MGST1: variants seen among roughly 807,000 people sequenced by gnomAD.
MGST1 encodes the protein microsomal glutathione S-transferase 1.
In MGST1, 5 loss-of-function variants were observed where a neutral mutation model predicts 8.9. The ratio of observed to expected loss-of-function variants is 0.56; its 90% confidence interval spans 0.29 to 1.19. The LOEUF (loss-of-function observed/expected upper bound fraction) is 1.19. Ranked by LOEUF, MGST1 falls within the 50% of genes most tolerant of loss-of-function variation. The pLI, the probability that MGST1 is intolerant of heterozygous loss-of-function variation, is 0.08. For synonymous variants in MGST1, 54 were observed against 67.8 expected, an observed-to-expected ratio of 0.80 and a Z score of 1.00; for missense variants, 182 against 187.4, an observed-to-expected ratio of 0.97 and a Z score of 0.17.
intron 4 of MGST1, among the ~76,000 whole-genome samples, chr12:16,502,025 G>A (rs1023364406): frequency 6.6e-6 from 1 of 152,072 alleles, no homozygotes; most frequent in African/African-American, 2.4e-5. Flanking sequence ...TAATATTACT[G>A]AGAAGCAATG....
chr12:16,447,322 C>T (rs10734896), intron 4 of MGST1, among the ~76,000 whole-genome samples: 96,154 of 151,770 alleles, frequency 0.63, 30,710 homozygotes, highest in East Asian at 0.81. Flanking sequence ...TCTTTCCTCA[C>T]CACTCAGGTC....
chr12:16,351,175 C>T (rs562102616), intron 1 of MGST1, among the ~76,000 whole-genome samples: 1 of 152,114 alleles, frequency 6.6e-6, no homozygotes, highest in Non-Finnish European at 1.5e-5. Context: ...ATAAACTTAC[C>T]TTAATTTTAA....
chr12:16,577,718 C>A (rs1219803008), intron 4 of MGST1, among the ~76,000 whole-genome samples: 1 of 152,034 alleles, frequency 6.6e-6, no homozygotes, highest in Non-Finnish European at 1.5e-5. Context: ...TTCCTTAAGG[C>A]AGTAATTTCC....
Position 16,401,299 on chromosome 12 carries a change from A to T in MGST1, n.778+17695A>T, listed in dbSNP as rs1278138998. ...GAATCCCAAACTGATGCTGAAAACC[A>T]TTCCTGTCTTCAGTTTGTATTGATT... On this transcript the variant is annotated intron_variant and non_coding_transcript_variant, in intron 1 of 1. Coordinates refer to the MGST1 transcript ENST00000359720. This position sits in a 1 kb window ranked among gnomAD's most constrained non-coding sequence, Gnocchi z 4.3. 1 of 1,493,270 alleles carries T rather than the reference A, an allele frequency of 6.7e-7. No homozygotes were observed. Among genetic ancestry groups the T allele is most frequent in the South Asian group, 1.1e-5 (1 of 88,542 alleles). 92.5% of individuals were successfully genotyped at this position (1,493,270 alleles called of 1,614,324 possible).
chr12:16,458,384 A>G lies in MGST1; in HGVS notation n.482+74780A>G, dbSNP rs2137121657. 6.6e-6 allele frequency among the ~76,000 whole-genome samples: 1 copy of G among 152,156 alleles called. No homozygotes were observed. Among genetic ancestry groups the G allele is most frequent in the Non-Finnish European group, 1.5e-5 (1 of 67,960 alleles). On this transcript the variant is annotated intron_variant and non_coding_transcript_variant, in intron 4 of 4. Coordinates refer to the MGST1 transcript ENST00000538857. The surrounding 1 kb of genome is among the most constrained non-coding windows in gnomAD (Gnocchi z 4.0). ...ATTGATCTCTCCTTCTGAAAGTTGT[A>G]ATTGAGCATAGATGTTGGACCCAGA...
At chr12:16,443,000 T>G (rs1467077984), downstream of MGST1, among the ~76,000 whole-genome samples, 1 of 151,834 alleles carries the variant, frequency 6.6e-6, no homozygotes, top group Non-Finnish European at 1.5e-5. This position sits in a 1 kb window ranked among gnomAD's most constrained non-coding sequence, Gnocchi z 4.5. Context: ...ATGCCTGTCT[T>G]TATTAGTTTT....
At position 16,534,483 on chromosome 12, in the gene MGST1, C is replaced by G. The variant is rs80142638; in HGVS notation, n.483-55045C>G. On this transcript the variant is annotated intron_variant and non_coding_transcript_variant, in intron 4 of 4. Transcript: ENST00000538857. ...TTCATTTATCTTTTTATTGTGTATT[C>G]TAGGGGGCTGCATATAGTAAGGGAT... is the stretch of plus-strand genomic sequence containing the variant. 8.4e-3 allele frequency among the ~76,000 whole-genome samples: 1,281 copies of G among 152,168 alleles called. 55 individuals are homozygous for G. In the East Asian group the frequency reaches 0.14, roughly 16 times the overall value.
At chr12:16,439,113 TA>T (rs5796672), downstream of MGST1, among the ~76,000 whole-genome samples, 48,369 of 144,164 alleles carry the variant, frequency 0.34, 8,112 homozygotes, top group Non-Finnish European at 0.38. Flanking sequence ...GTAAGACATG[TA>T]AAAAAAAAAA....
At chr12:16,511,020 A>G (rs950862454) in intron 4 of MGST1, among the ~76,000 whole-genome samples, 9 of 152,086 alleles carry the variant, frequency 5.9e-5, no homozygotes, top group African/African-American at 2.2e-4. Context: ...AATTTGTTCT[A>G]CAAAAGATAG....
At chr12:16,467,512 C>T (rs1052537250) in intron 4 of MGST1, among the ~76,000 whole-genome samples, 99 of 152,198 alleles carry the variant, frequency 6.5e-4, no homozygotes, top group African/African-American at 2.3e-3. Context: ...CAGTGCTTTC[C>T]CCCAGTCAGC....
chr12:16,489,996 C>T (rs1941428421), intron 4 of MGST1, among the ~76,000 whole-genome samples: 1 of 152,052 alleles, frequency 6.6e-6, no homozygotes, highest in African/African-American at 2.4e-5. Flanking sequence ...GGTGTGGTGG[C>T]TCATGTCTAT....
rs1419915807 is a variant in MGST1 at position 16,587,257 on chromosome 12, A to G, written n.483-2271A>G. On this transcript the variant is annotated intron_variant and non_coding_transcript_variant, in intron 4 of 4. Coordinates refer to the MGST1 transcript ENST00000538857. The surrounding 1 kb of genome is among the most constrained non-coding windows in gnomAD (Gnocchi z 4.3). The stretch of plus-strand genomic sequence containing the variant: ...AACAGCTCTGACTATCCATTTTAAG[A>G]AAATCACTGGGTGTGCCTAGGATCC... 6.6e-6 allele frequency among the ~76,000 whole-genome samples: 1 copy of G among 152,222 alleles called. No individual in the cohort carries two copies. The highest frequency in any genetic ancestry group is 1.5e-5 in the Non-Finnish European group (1 of 68,032).
intron 1 of MGST1, among the ~76,000 whole-genome samples, chr12:16,431,884 G>A (rs1415282132): frequency 6.6e-6 from 1 of 151,980 alleles, no homozygotes; most frequent in Non-Finnish European, 1.5e-5. Context: ...AAAGTGAAGT[G>A]CAATAAAACA....
At chr12:16,414,950 G>A (rs1030663330) in intron 1 of MGST1, among the ~76,000 whole-genome samples, 1 of 152,070 alleles carries the variant, frequency 6.6e-6, no homozygotes, top group Non-Finnish European at 1.5e-5. Flanking sequence ...CTTGAACCTA[G>A]GAGGCGGAGG....
At position 16,547,397 on chromosome 12, in the gene MGST1, G is replaced by A. The variant is rs1038121108; in HGVS notation, n.483-42131G>A. On this transcript the variant is annotated intron_variant and non_coding_transcript_variant, in intron 4 of 4. Transcript: ENST00000538857. The surrounding 1 kb of genome is among the most constrained non-coding windows in gnomAD (Gnocchi z 4.6). ...TTGAGTTAATGAGTAATTTGTGTGCGATAATTCTCTGAACACATTGATTAC... is the reference window on the plus strand; with the variant it reads ...TTGAGTTAATGAGTAATTTGTGTGCAATAATTCTCTGAACACATTGATTAC... 3.9e-5 allele frequency among the ~76,000 whole-genome samples: 6 copies of A among 152,118 alleles called. No homozygotes were observed. The highest frequency in any genetic ancestry group is 1.9e-4 in the East Asian group (1 of 5,188).
chr12:16,402,159 A>G, intron 1 of MGST1: 1 of 1,554,012 alleles, frequency 6.4e-7, no homozygotes, highest in South Asian at 1.1e-5. Flanking sequence ...AGTGTTGGCA[A>G]TTTGTTTCAA....
rs571244346 is a variant in MGST1 at position 16,349,485 on chromosome 12, A to G, written c.-23+1775A>G. 1.1e-3 allele frequency among the ~76,000 whole-genome samples: 161 copies of G among 152,274 alleles called. 1 individual carries two copies. Among genetic ancestry groups the G allele is most frequent in the African/African-American group, 3.8e-3 (157 of 41,562 alleles). On this transcript the variant is annotated intron_variant, in intron 1 of 3. Transcript: ENST00000396210. ...TGGGTAGCCCAGAGGTAAACACTTG[A>G]GAAAACTAAGTTGCAGTCTTGGTCT...
chr12:16,526,871 G>T (rs998229393), intron 4 of MGST1, among the ~76,000 whole-genome samples: 21 of 151,960 alleles, frequency 1.4e-4, no homozygotes, highest in African/African-American at 4.6e-4. Flanking sequence ...TGCAGTAGTT[G>T]GTGTATCATT....
At chr12:16,449,324 G>T (rs1354132662) in intron 4 of MGST1, among the ~76,000 whole-genome samples, 1 of 151,792 alleles carries the variant, frequency 6.6e-6, no homozygotes, top group Non-Finnish European at 1.5e-5. Context: ...TAAGCAATCT[G>T]ATCTCGAGTA....
Sources: gnomAD v4.1 joint callset for allele counts (sites outside exome capture counted in the v4.1 genomes callset) on GRCh38, gnomAD v4.1.1 for gene constraint, Gnocchi (gnomAD v3.1) non-coding constraint, MANE v1.5 for transcripts, NCBI Gene and HGNC (gene_info 2026-07-23, HGNC 2026-07-21) for gene names.